Variants in EFCAB13 observed in about 807,000 individuals in gnomAD.
EFCAB13 encodes EF-hand calcium-binding domain-containing protein 13.
In EFCAB13, 91 loss-of-function variants were observed where a neutral mutation model predicts 110.2. The observed-to-expected ratio is 0.83, with a 90% confidence interval of 0.70 to 0.98. The LOEUF is 0.98. Among genes scored for constraint, EFCAB13 ranks in the 50% least tolerant of loss-of-function variants. The pLI, the probability that EFCAB13 is intolerant of heterozygous loss-of-function variation, is 0.00. For missense variants in EFCAB13, 968 were observed against 1,119.4 expected (o/e 0.86, Z 1.93); for synonymous variants, 323 against 369.9 (o/e 0.87, Z 1.45).
At chr17:47,365,756 T>C (rs973836468) in intron 10 of EFCAB13, among the ~76,000 whole-genome samples, 22 of 152,132 alleles carry the variant, frequency 1.4e-4, no homozygotes, top group Non-Finnish European at 3.1e-4. Flanking sequence ...TTCGATCTGC[T>C]TGGGGCAGAA....
At chr17:47,421,246 G>A (rs1358273661) in intron 23 of EFCAB13, among the ~76,000 whole-genome samples, 78 of 151,982 alleles carry the variant, frequency 5.1e-4, no homozygotes, top group African/African-American at 1.2e-3. Context: ...GATGGTTGCC[G>A]TGTCTGTGTA....
intron 20 of EFCAB13, among the ~76,000 whole-genome samples, chr17:47,408,654 G>C (rs11867516): frequency 6.6e-6 from 1 of 151,970 alleles, no homozygotes; most frequent in Non-Finnish European, 1.5e-5. Context: ...TCCATCTCAA[G>C]TAAATAAATA....
chr17:47,433,893 A>G (rs549650724), intron 24 of EFCAB13, among the ~76,000 whole-genome samples: 3 of 152,144 alleles, frequency 2.0e-5, no homozygotes, highest in East Asian at 1.9e-4. Flanking sequence ...AAATTACTCA[A>G]TTTCTTAGAC....
At chr17:47,378,390 T>A (rs965917555) in intron 13 of EFCAB13, among the ~76,000 whole-genome samples, 9 of 152,084 alleles carry the variant, frequency 5.9e-5, no homozygotes, top group African/African-American at 2.2e-4. Flanking sequence ...AAAGGCAGAG[T>A]TTAAGTTTCT....
chr17:47,332,584 C>A (rs2143225297), intron 4 of EFCAB13, among the ~76,000 whole-genome samples: 1 of 151,992 alleles, frequency 6.6e-6, no homozygotes, highest in East Asian at 1.9e-4. Flanking sequence ...CTCCACCCCC[C>A]AGCCTCTGAT....
intron 13 of EFCAB13, among the ~76,000 whole-genome samples, chr17:47,378,977 A>G (rs183641876): frequency 1.1e-3 from 173 of 152,288 alleles, no homozygotes; most frequent in Admixed American, 2.2e-3. Flanking sequence ...GGTGCCTAGC[A>G]TGGTTCTTGG....
intron 8 of EFCAB13, among the ~76,000 whole-genome samples, chr17:47,347,585 T>A (rs1053827943): frequency 6.6e-6 from 1 of 152,170 alleles, no homozygotes; most frequent in African/African-American, 2.4e-5. Flanking sequence ...TATGTGCCCT[T>A]GTGTGACTTG....
At chr17:47,382,688 G>A (rs1008971616) in intron 14 of EFCAB13, among the ~76,000 whole-genome samples, 8 of 152,050 alleles carry the variant, frequency 5.3e-5, no homozygotes, top group African/African-American at 1.9e-4. Flanking sequence ...CAATTTGCCA[G>A]TATTTTATTG....
chr17:47,375,084 T>C, intron 12 of EFCAB13, 118 bp downstream of exon 12: 1 of 796,072 alleles, frequency 1.3e-6, no homozygotes, highest in Non-Finnish European at 1.7e-6. Context: ...CCACCACTTC[T>C]TTTTTTTTTA....
intron 23 of EFCAB13, among the ~76,000 whole-genome samples, chr17:47,420,093 G>A (rs919645512): frequency 2.0e-5 from 3 of 152,186 alleles, no homozygotes; most frequent in East Asian, 1.9e-4. Context: ...AATTGCAGGC[G>A]CACGCCGCCA....
At chr17:47,406,154 C>T (rs2065804077) in intron 20 of EFCAB13, among the ~76,000 whole-genome samples, 1 of 152,114 alleles carries the variant, frequency 6.6e-6, no homozygotes. Context: ...ATTCTGTCGC[C>T]TCGGCTGGAG....
chr17:47,380,099 A>G (rs1416102916), intron 14 of EFCAB13, among the ~76,000 whole-genome samples: 2 of 149,758 alleles, frequency 1.3e-5, no homozygotes, highest in Non-Finnish European at 3.0e-5. Flanking sequence ...ATTTTATTAT[A>G]CTTTAAGTTC....
chr17:47,327,380 G>T (rs2065292412), intron 3 of EFCAB13, among the ~76,000 whole-genome samples: 1 of 151,976 alleles, frequency 6.6e-6, no homozygotes, highest in Non-Finnish European at 1.5e-5. Flanking sequence ...GGCCAGGCTG[G>T]TCTTGAACTC....
intron 23 of EFCAB13, among the ~76,000 whole-genome samples, chr17:47,424,729 T>C (rs1467818408): frequency 6.6e-6 from 1 of 151,806 alleles, no homozygotes; most frequent in African/African-American, 2.4e-5. Context: ...TCTTGCTTTG[T>C]GCCAACAGTA....
intron 23 of EFCAB13, chr17:47,423,340 A>G (rs915108253): frequency 1.3e-5 from 2 of 153,628 alleles, no homozygotes; most frequent in Admixed American, 1.3e-4. Context: ...GATATTTCAG[A>G]TAAAAAAATT....
At chr17:47,361,295 C>T in intron 9 of EFCAB13, 83 bp from the exon 10 acceptor site, 5 of 1,295,522 alleles carry the variant, frequency 3.9e-6, no homozygotes, top group South Asian at 2.7e-5. Flanking sequence ...GTTATTTTCC[C>T]TTAGTAGGCT....
At chr17:47,430,959 AT>A (rs1325767710) in intron 24 of EFCAB13, among the ~76,000 whole-genome samples, 9 of 152,054 alleles carry the variant, frequency 5.9e-5, no homozygotes, top group Admixed American at 4.6e-4. Context: ...ACTTATTACA[AT>A]TCTTTTATTT....
At chr17:47,405,180 G>A (rs185901707) in intron 20 of EFCAB13, among the ~76,000 whole-genome samples, 41 of 152,178 alleles carry the variant, frequency 2.7e-4, no homozygotes, top group Admixed American at 2.2e-3. Flanking sequence ...TATACTAGAG[G>A]AATGAACTAT....
chr17:47,397,175 C>G (rs1309858890), intron 17 of EFCAB13, among the ~76,000 whole-genome samples: 1 of 152,000 alleles, frequency 6.6e-6, no homozygotes, highest in East Asian at 2.0e-4. Context: ...CCACGCCTGA[C>G]TGGTTTTCGT....
Sources: allele counts gnomAD v4.1 joint callset (sites outside exome capture counted in the v4.1 genomes callset), GRCh38; gene constraint gnomAD v4.1.1; transcripts MANE v1.5; gene names NCBI Gene and HGNC (gene_info 2026-07-23, HGNC 2026-07-21).